Variants in PDGFB observed in about 807,000 individuals in gnomAD.
The protein encoded by PDGFB is platelet-derived growth factor subunit B.
PDGFB carries 6 observed loss-of-function variants against 29.0 expected under a neutral mutation model. The observed-to-expected ratio is 0.21, with a 90% CI of 0.11 to 0.41. PDGFB has a LOEUF of 0.41. Among genes scored for constraint, PDGFB ranks in the 10% least tolerant of loss-of-function variants. The pLI is 1.00. For synonymous variants in PDGFB, 144 were observed against 140.8 expected, an observed-to-expected ratio of 1.02 and a Z score of -0.16; for missense variants, 299 against 341.8, an observed-to-expected ratio of 0.87 and a Z score of 0.99.
intron 2 of PDGFB, among the ~76,000 whole-genome samples, chr22:39,233,979 C>G (rs570696868): frequency 7.5e-6 from 1 of 134,068 alleles, no homozygotes; most frequent in African/African-American, 2.7e-5. Context: ...TCTGGAGCCC[C>G]GGACAATGGC....
rs955806734 is a variant in PDGFB at position 39,231,983 on chromosome 22, C to A, written c.251-156G>T. Among the ~76,000 whole-genome samples, 1 of 151,886 alleles carries A rather than the reference C, an allele frequency of 6.6e-6. No individual in the cohort carries two copies. The highest frequency in any genetic ancestry group is 1.5e-5 in the Non-Finnish European group (1 of 67,992). ...GTCCTGGCTGTCATTAGCCATGGGA[C>A]TTGGGCAGATGGCTGAGCCACTCTA... On this transcript the variant is annotated intron_variant, in intron 3 of 6. Coordinates refer to ENST00000331163, the MANE Select transcript of PDGFB (RefSeq NM_002608.4). The surrounding 1 kb of genome is among the most constrained non-coding windows in gnomAD (Gnocchi z 4.3).
chr22:39,236,236 G>C (rs1268885456), intron 1 of PDGFB, among the ~76,000 whole-genome samples: 1 of 152,248 alleles, frequency 6.6e-6, no homozygotes, highest in African/African-American at 2.4e-5. Context: ...GCTGAAGACA[G>C]CCAGCATCTC....
At chr22:39,237,732 A>G (rs1443742436) in intron 1 of PDGFB, among the ~76,000 whole-genome samples, 1 of 152,250 alleles carries the variant, frequency 6.6e-6, no homozygotes, top group Admixed American at 6.5e-5. Flanking sequence ...CAGAACTGGC[A>G]GGCCAGAGAG....
At position 39,229,303 on chromosome 22, in the gene PDGFB, C is replaced by CAGCCTCCT. The variant is rs1307262457; in HGVS notation, c.601+773_601+780dup. ...CCAGCCTCAAGCGATCCTCCCACCT[C>CAGCCTCCT]AGCCTCCTAAGTAGCTGAGACTACA... On this transcript the variant is annotated intron_variant, in intron 5 of 6. Transcript: ENST00000331163. Among the ~76,000 whole-genome samples the CAGCCTCCT allele has an allele frequency of 2.6e-5, 4 of 152,294 alleles. No homozygotes were observed. The South Asian group carries it at 8.3e-4, about 32-fold the overall frequency.
At chr22:39,233,401 T>G in intron 3 of PDGFB, 34 bp downstream of exon 3, 1 of 1,527,730 alleles carries the variant, frequency 6.5e-7, no homozygotes, top group Non-Finnish European at 8.9e-7. Flanking sequence ...CCCATGCTAA[T>G]TTGAAGGACC....
chr22:39,240,958 C>A, intron 1 of PDGFB: 1 of 1,381,288 alleles, frequency 7.2e-7, no homozygotes. Flanking sequence ...CTCTCTCTCT[C>A]TTCCTGGCTC....
Position 39,243,827 on chromosome 22 carries a change from G to T in PDGFB, c.63+74C>A. ...AAGGGTCCAAAGTTCACTGCAGGGAGAGGAGGGGGCGGTCAGAAGGGGGGG... is the reference window on the plus strand; with the variant it reads ...AAGGGTCCAAAGTTCACTGCAGGGATAGGAGGGGGCGGTCAGAAGGGGGGG... On this transcript the variant is annotated intron_variant, in intron 1 of 6. Transcript: ENST00000331163. The surrounding 1 kb of genome is among the most constrained non-coding windows in gnomAD (Gnocchi z 6.4). The T allele has an allele frequency of 8.1e-7, 1 of 1,234,498 alleles. No homozygotes were observed. The highest frequency in any genetic ancestry group is 1.2e-6 in the Non-Finnish European group (1 of 865,130). The allele number at this position is 1,234,498 out of a possible 1,614,324, so 76.5% of individuals were successfully genotyped here.
intron 5 of PDGFB, among the ~76,000 whole-genome samples, chr22:39,227,860 AG>A (rs1175041416): frequency 6.6e-6 from 1 of 152,214 alleles, no homozygotes; most frequent in East Asian, 1.9e-4. Flanking sequence ...CCCACGAGGC[AG>A]CTCTCCCATC....
intron 6 of PDGFB, 21 bp downstream of exon 6, chr22:39,225,674 G>A (rs766203105): frequency 1.3e-6 from 2 of 1,591,260 alleles, no homozygotes; most frequent in Non-Finnish European, 1.7e-6. Context: ...CTGGGCCTCA[G>A]TTGCCCCGCC....
Position 39,231,697 on chromosome 22 carries a change from C to T in PDGFB, c.381G>A (p.Val127=), listed in dbSNP as rs778872735. ...TGTTGCAGCAGCCGGAGCAGCGCTG[C>T]ACCTCCACACAGGGCGGCCACACCA... ...NFLVWPPCVE[V]QRCSGCCNNR... is the part of the protein sequence containing the mutation. Residue 127 remains valine, a synonymous_variant, in exon 4 of 7, where the codon GTG becomes GTA. Transcript: ENST00000331163. The surrounding 1 kb of genome is among the most constrained non-coding windows in gnomAD (Gnocchi z 4.3). The T allele has an allele frequency of 2.9e-5, 47 of 1,605,958 alleles. No individual in the cohort carries two copies. In the South Asian group the frequency reaches 4.7e-4, roughly 16 times the overall value.
rs73165211 is a variant in PDGFB at position 39,243,477 on chromosome 22, C to T, written c.63+424G>A. 6.0e-3 allele frequency among the ~76,000 whole-genome samples: 913 copies of T among 152,298 alleles called. 5 individuals carry two copies. The highest frequency in any genetic ancestry group is 0.01 in the Non-Finnish European group (695 of 68,022). On this transcript the variant is annotated intron_variant, in intron 1 of 6. Coordinates refer to ENST00000331163, the MANE Select transcript of PDGFB (RefSeq NM_002608.4). The surrounding 1 kb of genome is among the most constrained non-coding windows in gnomAD (Gnocchi z 6.4). ...ATGGCACCGGTGCGCAAGCTTGCACCTCCTGGGCAAGCCGATGGCAGGACA... is the reference window on the plus strand; with the variant it reads ...ATGGCACCGGTGCGCAAGCTTGCACTTCCTGGGCAAGCCGATGGCAGGACA...
At chr22:39,233,664 A>C in intron 2 of PDGFB, 140 bp from the exon 3 acceptor site, 1 of 560,328 alleles carries the variant, frequency 1.8e-6, no homozygotes. Flanking sequence ...CCATAAATGC[A>C]CGGGTCCTGG....
At chr22:39,239,255 T>C (rs1932513432) in intron 1 of PDGFB, among the ~76,000 whole-genome samples, 1 of 152,064 alleles carries the variant, frequency 6.6e-6, no homozygotes, top group Non-Finnish European at 1.5e-5. Flanking sequence ...TTTTTGAGGA[T>C]GACAAGGAGT....
chr22:39,224,995 A>G lies in PDGFB; in HGVS notation c.*347T>C, dbSNP rs1419389365. On this transcript the variant is annotated 3_prime_UTR_variant, in exon 7 of 7. Coordinates refer to ENST00000331163, the MANE Select transcript of PDGFB (RefSeq NM_002608.4). ...ACAGCGCTCAGGTGTGGCCCAGGCC[A>G]GGTGCAGGGGAAGGAGCCCGTTTCC... 1 of 153,390 alleles carries G rather than the reference A, an allele frequency of 6.5e-6. No individual in the cohort carries two copies. Among genetic ancestry groups the G allele is most frequent in the East Asian group, 1.9e-4 (1 of 5,328 alleles). The allele number at this position is 153,390 out of a possible 1,614,324, so 9.5% of individuals were successfully genotyped here.
chr22:39,230,378 C>G, intron 4 of PDGFB, 150 bp from the exon 5 acceptor site: 1 of 732,982 alleles, frequency 1.4e-6, no homozygotes, highest in South Asian at 1.6e-5. Flanking sequence ...AAAGCTTTGG[C>G]CCAAACAATA....
At chr22:39,240,788 GA>G in intron 1 of PDGFB, 1 of 1,555,570 alleles carries the variant, frequency 6.4e-7, no homozygotes, top group African/African-American at 1.4e-5. Flanking sequence ...CAGAACATAG[GA>G]AGAGTTGTCA....
Position 39,244,943 on chromosome 22 carries a change from G to A in PDGFB, c.-980C>T, listed in dbSNP as rs1468709921. Among the ~76,000 whole-genome samples, 1 of 152,074 alleles carries A rather than the reference G, an allele frequency of 6.6e-6. No individual in the cohort carries two copies. Among genetic ancestry groups the A allele is most frequent in the Non-Finnish European group, 1.5e-5 (1 of 67,984 alleles). ...GGGGGAGGCTGCGGGTGCGCAGGGA[G>A]GCAGGCAGGCCGCTCCCGGCTGCAG... On this transcript the variant is annotated 5_prime_UTR_variant, in exon 1 of 7. Coordinates refer to ENST00000331163, the MANE Select transcript of PDGFB (RefSeq NM_002608.4). This position sits in a 1 kb window ranked among gnomAD's most constrained non-coding sequence, Gnocchi z 4.5.
At chr22:39,230,377 G>C in intron 4 of PDGFB, 149 bp from the exon 5 acceptor site, 1 of 737,376 alleles carries the variant, frequency 1.4e-6, no homozygotes, top group Non-Finnish European at 2.3e-6. Context: ...AAAAGCTTTG[G>C]CCCAAACAAT....
At chr22:39,236,851 C>T (rs1483674607) in intron 1 of PDGFB, among the ~76,000 whole-genome samples, 1 of 152,226 alleles carries the variant, frequency 6.6e-6, no homozygotes, top group Non-Finnish European at 1.5e-5. Context: ...AACCGGACTT[C>T]CACGTGTGCA....
Sources: allele counts gnomAD v4.1 joint callset (sites outside exome capture counted in the v4.1 genomes callset), GRCh38; gene constraint gnomAD v4.1.1; non-coding constraint Gnocchi (gnomAD v3.1); transcripts MANE v1.5; gene names NCBI Gene and HGNC (gene_info 2026-07-23, HGNC 2026-07-21).